OSBPL9: variants seen among roughly 807,000 people sequenced by gnomAD.
OSBPL9 encodes the protein oxysterol-binding protein-related protein 9.
A neutral mutation model predicts 106.6 loss-of-function variants in OSBPL9; 40 were observed. The ratio of observed to expected loss-of-function variants is 0.38; its 90% confidence interval spans 0.29 to 0.49. The LOEUF is 0.49. Ranked by LOEUF, OSBPL9 falls within the 20% of genes least tolerant of loss-of-function variation. The pLI is 0.97. For synonymous variants in OSBPL9, 269 were observed against 295.4 expected (o/e 0.91, Z 0.92); for missense variants, 609 against 887.2 (o/e 0.69, Z 3.98).
In OSBPL9 at chr1:51,748,389, G is replaced by C; in HGVS notation, c.483G>C (p.Glu161Asp). The C allele has an allele frequency of 6.6e-7, 1 of 1,519,474 alleles. No individual in the cohort carries two copies. Among genetic ancestry groups the C allele is most frequent in the Middle Eastern group, 1.7e-4 (1 of 5,724 alleles). The allele number at this position is 1,519,474 out of a possible 1,614,324, so 94.1% of individuals were successfully genotyped here. A position where few individuals can be genotyped will look rare whatever the true frequency, so the allele number is the denominator to read the frequency against. Reference protein sequence around the residue: ...EQRKKIETLKETTNSMVESIK... With the variant: ...EQRKKIETLKDTTNSMVESIK... ...CACAGAAAATTGAAACTCTCAAAGA[G>C]ACAACAAATGTAAGTTATATGTTTG... Residue 161 changes from glutamate to aspartate, a missense_variant, in exon 7 of 24, where the codon GAG becomes GAC. Transcript: ENST00000428468.
chr1:51,606,389 T>G (rs1179516932), intron 2 of OSBPL9, among the ~76,000 whole-genome samples: 1 of 152,262 alleles, frequency 6.6e-6, no homozygotes, highest in Non-Finnish European at 1.5e-5. Flanking sequence ...AATTGCTGTT[T>G]ACTGAAGGCC....
At chr1:51,704,833 C>G (rs1658087456) in intron 3 of OSBPL9, among the ~76,000 whole-genome samples, 1 of 152,134 alleles carries the variant, frequency 6.6e-6, no homozygotes, top group African/African-American at 2.4e-5. Flanking sequence ...TGGGGCAACA[C>G]AAACATTCAC....
intron 2 of OSBPL9, among the ~76,000 whole-genome samples, chr1:51,664,680 A>C (rs1454125402): frequency 2.0e-5 from 3 of 152,136 alleles, no homozygotes; most frequent in Admixed American, 2.0e-4. Context: ...CAACAGAGTA[A>C]GACTCTGTTT....
chr1:51,587,318 T>C (rs2148600451), intron 1 of OSBPL9, among the ~76,000 whole-genome samples: 1 of 152,256 alleles, frequency 6.6e-6, no homozygotes, highest in East Asian at 1.9e-4. Flanking sequence ...TGAGCTGAGA[T>C]CGTGCCACTG....
At chr1:51,608,232 G>A (rs528968042) in intron 2 of OSBPL9, among the ~76,000 whole-genome samples, 1 of 152,304 alleles carries the variant, frequency 6.6e-6, no homozygotes, top group East Asian at 1.9e-4. Flanking sequence ...AGCCTCAAGT[G>A]TCTTCTGTCT....
chr1:51,751,162 A>G (rs879647260), intron 8 of OSBPL9, among the ~76,000 whole-genome samples: 1 of 152,090 alleles, frequency 6.6e-6, no homozygotes, highest in African/African-American at 2.4e-5. Flanking sequence ...ATCTCAGCTC[A>G]CTGCAACCTC....
At chr1:51,710,579 C>G (rs1479860001) in intron 3 of OSBPL9, among the ~76,000 whole-genome samples, 9 of 152,154 alleles carry the variant, frequency 5.9e-5, no homozygotes, top group Admixed American at 5.9e-4. Flanking sequence ...ATAGCAGATT[C>G]TGGTTTTGTC....
the OSBPL9 span, among the ~76,000 whole-genome samples, chr1:51,522,234 C>A: frequency 6.6e-6 from 1 of 151,994 alleles, no homozygotes; most frequent in Non-Finnish European, 1.5e-5. Context: ...TAAGTAAGAG[C>A]CATTGACAGC....
chr1:51,756,475 T>A, intron 9 of OSBPL9, 117 bp downstream of exon 9: 1 of 933,278 alleles, frequency 1.1e-6, no homozygotes, highest in Non-Finnish European at 1.7e-6. Flanking sequence ...CACTGCTTTT[T>A]GTTGTTGACT....
rs367949456 is a variant in OSBPL9 at position 51,686,860 on chromosome 1, T to C, written c.241+17348T>C. Among the ~76,000 whole-genome samples, 17 of 152,336 alleles carry C rather than the reference T, an allele frequency of 1.1e-4. No individual in the cohort carries two copies. The South Asian group carries it at 2.5e-3, about 22-fold the overall frequency. ...GTCAACTGAGGGAGTATTCCCAGAT[T>C]GTTGAAGGAAACAAACCAATATGTT... On this transcript the variant is annotated intron_variant, in intron 3 of 23. Coordinates refer to ENST00000428468, the MANE Select transcript of OSBPL9 (RefSeq NM_024586.6).
intron 2 of OSBPL9, among the ~76,000 whole-genome samples, chr1:51,600,746 A>G (rs753430157): frequency 6.6e-6 from 1 of 152,206 alleles, no homozygotes; most frequent in Non-Finnish European, 1.5e-5. Context: ...AAGTTGCATA[A>G]CATCAGAAAC....
chr1:51,666,635 T>A (rs981544469), intron 2 of OSBPL9, among the ~76,000 whole-genome samples: 2 of 152,186 alleles, frequency 1.3e-5, no homozygotes, highest in African/African-American at 4.8e-5. Context: ...TAGTTAATGC[T>A]GCCAGCTATT....
the OSBPL9 span, among the ~76,000 whole-genome samples, chr1:51,538,946 A>C: frequency 6.6e-6 from 1 of 151,598 alleles, no homozygotes; most frequent in South Asian, 2.1e-4. Flanking sequence ...GTCTGTCCTC[A>C]CTCTCTTTGT....
At chr1:51,606,531 T>C (rs532116167) in intron 2 of OSBPL9, among the ~76,000 whole-genome samples, 2 of 152,338 alleles carry the variant, frequency 1.3e-5, no homozygotes, top group South Asian at 4.1e-4. Context: ...GACTTCTGGT[T>C]GGCACAGAAG....
chr1:51,761,041 T>C (rs1671375130), intron 10 of OSBPL9, among the ~76,000 whole-genome samples: 1 of 152,220 alleles, frequency 6.6e-6, no homozygotes, highest in Admixed American at 6.5e-5. Flanking sequence ...TTGGATTCAC[T>C]GGTAGAACAG....
rs1678203469 is a variant in OSBPL9 at position 51,788,345 on chromosome 1, A to AC, written c.*557dup. 6.5e-6 allele frequency: 1 copy of AC among 152,728 alleles called. No homozygotes were observed. The highest frequency in any genetic ancestry group is 6.5e-5 in the Admixed American group (1 of 15,270). The allele number at this position is 152,728 out of a possible 1,614,324, so 9.5% of individuals were successfully genotyped here. A position where few individuals can be genotyped will look rare whatever the true frequency, so the allele number is the denominator to read the frequency against. ...GTTAGGAAATTTCATGGTCTTACCT[A>AC]CAATAACTTTTATTTTGGAATTGAA... On this transcript the variant is annotated 3_prime_UTR_variant, in exon 24 of 24. Transcript: ENST00000428468.
rs1293308161 is a variant in OSBPL9, at chr1:51,784,115, T to C, written c.1624+90T>C. 30 of 1,408,212 alleles carry C rather than the reference T, an allele frequency of 2.1e-5. No homozygotes were observed. In the East Asian group the frequency reaches 4.3e-4, roughly 20 times the overall value. 87.2% of individuals were successfully genotyped at this position (1,408,212 alleles called of 1,614,324 possible). A position where few individuals can be genotyped will look rare whatever the true frequency, so the allele number is the denominator to read the frequency against. ...AGATGTCATTGTTAGCAACTAAGCA[T>C]TGGTATTGGGGGTGAGAGCAAAGGG... On this transcript the variant is annotated intron_variant, in intron 18 of 23. Transcript: ENST00000428468.
chr1:51,565,774 G>A, the OSBPL9 span: 1 of 152,176 alleles, frequency 6.6e-6, no homozygotes, highest in Non-Finnish European at 1.5e-5. Context: ...CTCTTTCTCA[G>A]ACCACTGCCT....
At chr1:51,540,652 C>CAA in the OSBPL9 span, among the ~76,000 whole-genome samples, 65 of 134,876 alleles carry the variant, frequency 4.8e-4, no homozygotes, top group African/African-American at 1.7e-3. Flanking sequence ...GACTCTGTCT[C>CAA]AAAAAAAAAA....
Sources: allele counts gnomAD v4.1 joint callset (sites outside exome capture counted in the v4.1 genomes callset), GRCh38; gene constraint gnomAD v4.1.1; transcripts MANE v1.5; gene names NCBI Gene and HGNC (gene_info 2026-07-23, HGNC 2026-07-21).